Variants in IMPA1 observed in about 807,000 individuals in gnomAD.
The protein encoded by IMPA1 is inositol monophosphatase 1.
IMPA1 carries 21 observed loss-of-function variants against 34.9 expected under a neutral mutation model. The ratio of observed to expected loss-of-function variants is 0.60; its 90% CI spans 0.43 to 0.87. The LOEUF is 0.87. IMPA1 is among the 40% of genes least tolerant of loss of function. The pLI, the probability that IMPA1 is intolerant of heterozygous loss-of-function variation, is 0.00. For synonymous variants in IMPA1, 95 were observed against 104.4 expected (o/e 0.91, Z 0.55); for missense variants, 299 against 336.4 (o/e 0.89, Z 0.87).
intron 7 of IMPA1, among the ~76,000 whole-genome samples, 183 bp from the exon 8 acceptor site, chr8:81,660,850 TATATA>T (rs1806653032): frequency 1.3e-5 from 2 of 152,142 alleles, no homozygotes; most frequent in Non-Finnish European, 2.9e-5. Flanking sequence ...CATCGTATAT[TATATA>T]AATCACAAAA....
intron 5 of IMPA1, 112 bp downstream of exon 5, chr8:81,676,122 G>A (rs2130300334): frequency 2.3e-6 from 1 of 441,440 alleles, no homozygotes; most frequent in East Asian, 3.6e-5. Flanking sequence ...AAATAATGCA[G>A]TTATATAATC....
chr8:81,661,604 T>TAA (rs1204932653), intron 7 of IMPA1, among the ~76,000 whole-genome samples: 1 of 152,224 alleles, frequency 6.6e-6, no homozygotes, highest in Non-Finnish European at 1.5e-5. Flanking sequence ...AGACAAAGAC[T>TAA]AAGCAAGTTC....
intron 2 of IMPA1, 78 bp downstream of exon 2, chr8:81,681,420 A>T: frequency 1.2e-6 from 1 of 850,370 alleles, no homozygotes; most frequent in East Asian, 2.6e-5. Context: ...AATCGAAACA[A>T]ACAAAACAAG....
At chr8:81,663,332 C>G (rs549871040) in intron 7 of IMPA1, among the ~76,000 whole-genome samples, 50 of 152,318 alleles carry the variant, frequency 3.3e-4, no homozygotes, top group Non-Finnish European at 5.9e-4. Flanking sequence ...TTGACAGAGG[C>G]TCTCTTTTAC....
chr8:81,685,792 A>T (rs1233698743), intron 1 of IMPA1: 1 of 1,548,164 alleles, frequency 6.5e-7, no homozygotes. Flanking sequence ...TAAACACCTG[A>T]ACTGTTTCCT....
chr8:81,685,681 T>C lies in IMPA1; in HGVS notation c.-25+571A>G, dbSNP rs1585908540. On this transcript the variant is annotated intron_variant, in intron 1 of 8. Transcript: ENST00000256108. ...TACATTTTATATATATTTTTATATA[T>C]AGTTATATATAATATATGAATAGTT... The C allele has an allele frequency of 7.5e-6, 4 of 531,708 alleles. No homozygotes were observed. In the East Asian group the frequency reaches 3.0e-4, roughly 40 times the overall value. The allele number at this position is 531,708 out of a possible 1,614,324, so 32.9% of individuals were successfully genotyped here.
intron 7 of IMPA1, among the ~76,000 whole-genome samples, chr8:81,669,778 G>C (rs958601256): frequency 6.6e-6 from 1 of 152,170 alleles, no homozygotes; most frequent in Non-Finnish European, 1.5e-5. Flanking sequence ...TGGTTTGAAT[G>C]TTTGTTCCCT....
At chr8:81,663,224 T>C (rs933061438) in intron 7 of IMPA1, among the ~76,000 whole-genome samples, 1 of 152,234 alleles carries the variant, frequency 6.6e-6, no homozygotes, top group African/African-American at 2.4e-5. Context: ...AACCATTTTA[T>C]AGCCCATGGT....
intron 7 of IMPA1, among the ~76,000 whole-genome samples, chr8:81,662,224 A>C (rs1806701034): frequency 6.6e-6 from 1 of 152,200 alleles, no homozygotes; most frequent in Non-Finnish European, 1.5e-5. Flanking sequence ...TTTAGTTATA[A>C]AGAAAAGTGC....
rs1453954042 is a variant in IMPA1, at chr8:81,681,504, A to C, written c.57T>G (p.Ala19=). 1 of 1,581,358 alleles carries C rather than the reference A, an allele frequency of 6.3e-7. No individual in the cohort carries two copies. Among genetic ancestry groups the C allele is most frequent in the Non-Finnish European group, 8.7e-7 (1 of 1,151,392 alleles). ...MDYAVTLARQ[A]GEVVCEAIKN... ...ACAAAATCTTAGCTCATACCTCTCC[A>C]GCTTGTCTTGCTAGAGTTACTGCAT... Residue 19 remains alanine, a synonymous_variant, in exon 2 of 9, where the codon GCT becomes GCG. Coordinates refer to ENST00000256108, the MANE Select transcript of IMPA1 (RefSeq NM_005536.4).
At chr8:81,685,715 A>G (rs759030405) in intron 1 of IMPA1, 2 of 1,077,242 alleles carry the variant, frequency 1.9e-6, no homozygotes, top group Non-Finnish European at 2.5e-6. Flanking sequence ...TTATATATAT[A>G]TAAATCACAG....
chr8:81,676,427 G>C (rs61236631), intron 4 of IMPA1, 148 bp from the exon 5 acceptor site: 7,440 of 463,428 alleles, frequency 0.016, 471 homozygotes, highest in African/African-American at 0.13. Flanking sequence ...ATGCAAAACA[G>C]TTTGTATGGT....
intron 7 of IMPA1, among the ~76,000 whole-genome samples, chr8:81,664,473 G>T (rs906698338): frequency 1.3e-5 from 2 of 152,198 alleles, no homozygotes; most frequent in African/African-American, 4.8e-5. Flanking sequence ...AGGAGCAGAG[G>T]ACCCACAGGG....
At chr8:81,685,922 G>T in intron 1 of IMPA1, 2 of 1,543,016 alleles carry the variant, frequency 1.3e-6, no homozygotes, top group South Asian at 2.4e-5. Context: ...CCATCACTTA[G>T]AGTGACTACC....
intron 7 of IMPA1, among the ~76,000 whole-genome samples, chr8:81,669,354 G>A (rs1262941780): frequency 6.6e-6 from 1 of 152,172 alleles, no homozygotes; most frequent in African/African-American, 2.4e-5. Flanking sequence ...ACCCATGCCA[G>A]TAGCCATATG....
rs750989622 is a variant in IMPA1 at position 81,659,678 on chromosome 8, C to G, written c.719-212G>C. ...TTTTGAGTAAATAATGAAGTCATAC[C>G]AGTTAGAAAATGTCATATTTTCTCT... is the stretch of plus-strand genomic sequence containing the variant. On this transcript the variant is annotated intron_variant, in intron 8 of 8. Coordinates refer to ENST00000256108, the MANE Select transcript of IMPA1 (RefSeq NM_005536.4). Among the ~76,000 whole-genome samples, 8 of 152,024 alleles carry G rather than the reference C, an allele frequency of 5.3e-5. No homozygotes were observed. In the South Asian group the frequency reaches 6.2e-4, roughly 12 times the overall value.
intron 2 of IMPA1, among the ~76,000 whole-genome samples, chr8:81,681,221 C>A (rs1320034135): frequency 6.6e-6 from 1 of 152,026 alleles, no homozygotes; most frequent in Non-Finnish European, 1.5e-5. Flanking sequence ...CATCTCCACA[C>A]AAAAATTTAA....
chr8:81,666,219 A>G (rs936579189), intron 7 of IMPA1, among the ~76,000 whole-genome samples: 2 of 152,238 alleles, frequency 1.3e-5, no homozygotes, highest in Admixed American at 6.5e-5. Context: ...TAAGAAAATA[A>G]TATTAAAGGT....
chr8:81,677,317 A>C (rs1018600177), intron 4 of IMPA1, among the ~76,000 whole-genome samples: 38 of 151,940 alleles, frequency 2.5e-4, no homozygotes, highest in African/African-American at 6.8e-4. Flanking sequence ...CTAGTCTCGA[A>C]CTCCCGACCT....
Sources: allele counts gnomAD v4.1 joint callset (sites outside exome capture counted in the v4.1 genomes callset), GRCh38; gene constraint gnomAD v4.1.1; transcripts MANE v1.5; gene names NCBI Gene and HGNC (gene_info 2026-07-23, HGNC 2026-07-21).